TNR: variants seen among roughly 807,000 people sequenced by gnomAD.
TNR encodes the protein tenascin R, also known as tenascin-R.
In TNR, 45 loss-of-function variants were observed where a neutral mutation model predicts 150.4. The ratio of observed to expected loss-of-function variants is 0.30; its 90% CI spans 0.24 to 0.38. TNR has a LOEUF of 0.38. Ranked by LOEUF, TNR falls within the 10% of genes least tolerant of loss-of-function variation. The pLI is 1.00. For synonymous variants in TNR, 687 were observed against 678.4 expected, an observed-to-expected ratio of 1.01 and a Z score of -0.20; for missense variants, 1,544 against 1,759.1, an observed-to-expected ratio of 0.88 and a Z score of 2.19.
At chr1:175,708,196 C>A (rs1011982363) in intron 1 of TNR, among the ~76,000 whole-genome samples, 25 of 152,182 alleles carry the variant, frequency 1.6e-4, no homozygotes, top group African/African-American at 5.5e-4. Flanking sequence ...TAGCCACAGG[C>A]CTCTGCCCTG....
In TNR at chr1:175,359,139, C is replaced by CTTTTTT. The variant is rs758610631; in HGVS notation, c.2974+467_2974+472dup. ...AGTTTGCAGAGTTTGGGGATATCTT[C>CTTTTTT]TTTTTTTTTTTTTTTTTTTTTTTTT... On this transcript the variant is annotated intron_variant, in intron 15 of 22. Transcript: ENST00000367674. Among the ~76,000 whole-genome samples, 235 of 42,134 alleles carry CTTTTTT rather than the reference C, an allele frequency of 5.6e-3. 54 individuals are homozygous for CTTTTTT. Among genetic ancestry groups the CTTTTTT allele is most frequent in the East Asian group, 0.028 (33 of 1,192 alleles). 27.6% of individuals were successfully genotyped at this position (42,134 alleles called of 152,430 possible).
rs549767970 is a variant in TNR at position 175,638,412 on chromosome 1, A to G, written c.-165+104814T>C. ...TCAGGCTCTCTCTCATTCATGGATT[A>G]GGGCCCCAAAACCCATTTGGACTGA... On this transcript the variant is annotated intron_variant, in intron 1 of 22. Transcript: ENST00000367674. Among the ~76,000 whole-genome samples the G allele has an allele frequency of 2.6e-5, 4 of 152,294 alleles. No individual in the cohort carries two copies. In the South Asian group the frequency reaches 8.3e-4, roughly 32 times the overall value.
chr1:175,726,489 T>C (rs1241669131), intron 1 of TNR, among the ~76,000 whole-genome samples: 2 of 152,246 alleles, frequency 1.3e-5, no homozygotes, highest in African/African-American at 2.4e-5. Context: ...CTAAGGTACC[T>C]GTAGTCAAAT....
intron 18 of TNR, among the ~76,000 whole-genome samples, chr1:175,341,355 T>C (rs565107165): frequency 9.6e-4 from 146 of 152,338 alleles, no homozygotes; most frequent in African/African-American, 3.4e-3. Context: ...TTTTTATTTT[T>C]TTTAGCACAG....
At position 175,708,276 on chromosome 1, in the gene TNR, C is replaced by G. The variant is rs61442376; in HGVS notation, c.-165+34950G>C. 8.8e-3 allele frequency among the ~76,000 whole-genome samples: 1,335 copies of G among 152,280 alleles called. 14 individuals are homozygous for G. The highest frequency in any genetic ancestry group is 0.025 in the African/African-American group (1,029 of 41,548). Reference sequence around the variant, plus strand: ...CTTCCTTTCTCTGTTGAGCTCCCACCAAAAGGACAGGCTCTCCAGGAGAAG... The same window carrying G: ...CTTCCTTTCTCTGTTGAGCTCCCACGAAAAGGACAGGCTCTCCAGGAGAAG... On this transcript the variant is annotated intron_variant, in intron 1 of 22. Transcript: ENST00000367674.
At chr1:175,536,560 C>T (rs1347246780) in intron 1 of TNR, among the ~76,000 whole-genome samples, 2 of 152,174 alleles carry the variant, frequency 1.3e-5, no homozygotes, top group African/African-American at 4.8e-5. Flanking sequence ...CAGACAGGAT[C>T]CAGATGGCCT....
chr1:175,652,058 T>C (rs1485663225), intron 1 of TNR, among the ~76,000 whole-genome samples: 1 of 149,332 alleles, frequency 6.7e-6, no homozygotes, highest in Non-Finnish European at 1.5e-5. Context: ...TTTAATCTGA[T>C]AAAAGCTATA....
chr1:175,655,089 G>T (rs974828670), intron 1 of TNR, among the ~76,000 whole-genome samples: 4 of 152,058 alleles, frequency 2.6e-5, no homozygotes, highest in Admixed American at 2.6e-4. Context: ...CTGTTTTGAC[G>T]CTGAGGACTG....
intron 2 of TNR, among the ~76,000 whole-genome samples, chr1:175,506,180 T>A (rs945351392): frequency 6.6e-6 from 1 of 152,208 alleles, no homozygotes; most frequent in Admixed American, 6.5e-5. Flanking sequence ...GAAGGAACAC[T>A]GAGTAATAGA....
In TNR at chr1:175,365,358, G is replaced by C. The variant is rs1025156047; in HGVS notation, c.2318-79C>G. ...GGGCTAGAAGAACTTCTTGGCTAAA[G>C]GGACCTGCTCTCCTTGCTAATAAGG... is the stretch of plus-strand genomic sequence containing the variant. On this transcript the variant is annotated intron_variant, in intron 11 of 22. Coordinates refer to ENST00000367674, the MANE Select transcript of TNR (RefSeq NM_003285.3). 7 of 1,477,502 alleles carry C rather than the reference G, an allele frequency of 4.7e-6. No homozygotes were observed. In the African/African-American group the frequency reaches 8.4e-5, roughly 18 times the overall value. 91.5% of individuals were successfully genotyped at this position (1,477,502 alleles called of 1,614,324 possible).
intron 2 of TNR, among the ~76,000 whole-genome samples, chr1:175,448,017 G>A (rs1175326553): frequency 6.6e-6 from 1 of 152,068 alleles, no homozygotes; most frequent in African/African-American, 2.4e-5. Context: ...CTTTCCACTA[G>A]GAAAAGAAAA....
At chr1:175,512,728 G>T (rs1248846052) in intron 2 of TNR, among the ~76,000 whole-genome samples, 1 of 152,110 alleles carries the variant, frequency 6.6e-6, no homozygotes, top group East Asian at 1.9e-4. Context: ...GTCATCAAGA[G>T]AAGCAGAAAT....
intron 18 of TNR, 83 bp from the exon 19 acceptor site, chr1:175,337,762 C>A: frequency 1.3e-6 from 2 of 1,490,856 alleles, no homozygotes; most frequent in South Asian, 1.2e-5. Flanking sequence ...AAGGTCTTAG[C>A]AGGCCTCCTG....
intron 1 of TNR, among the ~76,000 whole-genome samples, chr1:175,645,454 C>T (rs1042001001): frequency 3.9e-5 from 6 of 152,152 alleles, no homozygotes; most frequent in African/African-American, 1.2e-4. Context: ...TCTGTTTTGC[C>T]AAGAGAAGCA....
intron 17 of TNR, 94 bp downstream of exon 17, chr1:175,355,409 C>T: frequency 6.6e-7 from 1 of 1,519,374 alleles, no homozygotes; most frequent in African/African-American, 1.4e-5. Flanking sequence ...CTTCCTTCCC[C>T]CTCCCTCCAA....
intron 1 of TNR, among the ~76,000 whole-genome samples, chr1:175,618,054 T>A (rs1374912808): frequency 6.6e-6 from 1 of 152,166 alleles, no homozygotes; most frequent in African/African-American, 2.4e-5. Context: ...GTTACTTAAT[T>A]GGGAGGGTCA....
intron 1 of TNR, among the ~76,000 whole-genome samples, chr1:175,586,903 T>A (rs1313526431): frequency 6.6e-6 from 1 of 152,240 alleles, no homozygotes; most frequent in East Asian, 1.9e-4. Context: ...GGCCAGGGCA[T>A]GTCAGCTCTT....
intron 20 of TNR, among the ~76,000 whole-genome samples, chr1:175,331,019 TTC>T (rs1161988321): frequency 1.6e-5 from 1 of 61,970 alleles, no homozygotes; most frequent in Non-Finnish European, 3.3e-5. Flanking sequence ...CTTTCTTTCT[TTC>T]TTTCTTTCTT....
chr1:175,380,421 C>G (rs1652616459), intron 8 of TNR, among the ~76,000 whole-genome samples: 1 of 152,030 alleles, frequency 6.6e-6, no homozygotes, highest in Non-Finnish European at 1.5e-5. Context: ...CCATGGGCAT[C>G]TGTACAAAAA....
Sources: gnomAD v4.1 joint callset for allele counts (sites outside exome capture counted in the v4.1 genomes callset) on GRCh38, gnomAD v4.1.1 for gene constraint, MANE v1.5 for transcripts, NCBI Gene and HGNC (gene_info 2026-07-23, HGNC 2026-07-21) for gene names.